The following CPNE6 variants were observed in gnomAD, a reference collection of about 807,000 sequenced individuals.
The protein encoded by CPNE6 is copine-6.
Under a neutral mutation model 71.5 loss-of-function variants are expected in CPNE6, and 33 were observed. The observed-to-expected ratio is 0.46, with a 90% CI of 0.35 to 0.62. The LOEUF (loss-of-function observed/expected upper bound fraction) is 0.62, where lower values mean the gene tolerates loss of function less well. CPNE6 is among the 20% of genes least tolerant of loss of function. The pLI is 0.00. For missense variants in CPNE6, 576 were observed against 747.3 expected, an observed-to-expected ratio of 0.77 and a Z score of 2.67; for synonymous variants, 296 against 293.0, an observed-to-expected ratio of 1.01 and a Z score of -0.10.
Position 24,077,958 on chromosome 14 carries a change from T to C in CPNE6, c.*108T>C, listed in dbSNP as rs1481936913. 2.2e-6 allele frequency: 1 copy of C among 456,452 alleles called. No individual in the cohort carries two copies. Among genetic ancestry groups the C allele is most frequent in the Non-Finnish European group, 3.8e-6 (1 of 262,822 alleles). 28.3% of individuals were successfully genotyped at this position (456,452 alleles called of 1,614,324 possible). On this transcript the variant is annotated 3_prime_UTR_variant, in exon 18 of 18. Coordinates refer to ENST00000397016, the Ensembl canonical transcript of CPNE6. This position sits in a 1 kb window ranked among gnomAD's most constrained non-coding sequence, Gnocchi z 6.1. ...TCTTGGACCAGGTGTGCCCCCTGGGTTCTGGACGTGAGTGGTGGGTCCTGC... is the reference window on the plus strand; with the variant it reads ...TCTTGGACCAGGTGTGCCCCCTGGGCTCTGGACGTGAGTGGTGGGTCCTGC...
intron 1 of CPNE6, chr14:24,071,191 G>A (rs556749717): frequency 1.0e-6 from 1 of 1,003,374 alleles, no homozygotes; most frequent in Non-Finnish European, 1.5e-6. Flanking sequence ...GTGTCACAGT[G>A]AGTTTATGTA....
rs916154034 is a variant in CPNE6 at position 24,073,162 on chromosome 14, G to C, written c.168+58G>C. 11 of 1,400,404 alleles carry C rather than the reference G, an allele frequency of 7.9e-6. No individual in the cohort carries two copies. Among genetic ancestry groups the C allele is most frequent in the Non-Finnish European group, 1.0e-5 (11 of 1,076,014 alleles). 86.7% of individuals were successfully genotyped at this position (1,400,404 alleles called of 1,614,324 possible). A position where few individuals can be genotyped will look rare whatever the true frequency, so the allele number is the denominator to read the frequency against. The stretch of plus-strand genomic sequence containing the variant: ...CTGGGTTAAGCTTGGGAAAGAGGGA[G>C]GCTGGGTGGGAGCAGTGAAAGCCTT... On this transcript the variant is annotated intron_variant, in intron 3 of 17. Transcript: ENST00000397016. This position sits in a 1 kb window ranked among gnomAD's most constrained non-coding sequence, Gnocchi z 5.5.
In CPNE6 at chr14:24,077,452, AC is replaced by A. The variant is rs544867854; in HGVS notation, c.1536+64del. ...TCAGCTTCTCATCCCCCCAAATCTGACCTTCGTCTTCCACCATTTGATGTCC... is the reference window on the plus strand; with the variant it reads ...TCAGCTTCTCATCCCCCCAAATCTGACTTCGTCTTCCACCATTTGATGTCC... On this transcript the variant is annotated intron_variant, in intron 16 of 17. Transcript: ENST00000397016. The surrounding 1 kb of genome is among the most constrained non-coding windows in gnomAD (Gnocchi z 6.1). 1.6e-4 allele frequency: 247 copies of A among 1,579,204 alleles called. No individual in the cohort carries two copies. In the African/African-American group the frequency reaches 3.0e-3, roughly 19 times the overall value.
Position 24,073,235 on chromosome 14 carries a change from T to A in CPNE6, c.168+131T>A. 1 of 1,078,844 alleles carries A rather than the reference T, an allele frequency of 9.3e-7. No homozygotes were observed. Among genetic ancestry groups the A allele is most frequent in the Non-Finnish European group, 1.2e-6 (1 of 800,524 alleles). 66.8% of individuals were successfully genotyped at this position (1,078,844 alleles called of 1,614,324 possible). On this transcript the variant is annotated intron_variant, in intron 3 of 17. Transcript: ENST00000397016. This position sits in a 1 kb window ranked among gnomAD's most constrained non-coding sequence, Gnocchi z 5.5. The stretch of plus-strand genomic sequence containing the variant: ...CGGCGCCTTCTCGAGGCCGCTTGGG[T>A]ACCCTGGAGATGGTGTCCCAGAGGG...
rs779809726 is a variant in CPNE6, at chr14:24,077,719, C to T, written c.1663C>T (p.Pro555Ser). The stretch of plus-strand genomic sequence containing the variant: ...CTGCACACTGGCTACGACTCCCAGC[C>T]CTAGCCCGTGACTGCCTCCCTCCGG... The change falls in exon 17 of 18, where the codon CCT (proline) becomes TCT (serine). Residue 555 changes from proline (P) to serine (S), a missense_variant. Pro to Ser is a moderately conservative substitution (Grantham distance 74). Coordinates refer to ENST00000397016, the Ensembl canonical transcript of CPNE6. The surrounding 1 kb of genome is among the most constrained non-coding windows in gnomAD (Gnocchi z 6.1). 3.9e-6 allele frequency: 6 copies of T among 1,526,812 alleles called. No individual in the cohort carries two copies. The highest frequency in any genetic ancestry group is 3.5e-6 in the Non-Finnish European group (4 of 1,138,524). The allele number at this position is 1,526,812 out of a possible 1,614,324, so 94.6% of individuals were successfully genotyped here.
chr14:24,073,054 C>T lies in CPNE6; in HGVS notation c.118C>T (p.Pro40Ser), dbSNP rs1446451422. The T allele has an allele frequency of 3.2e-6, 5 of 1,551,860 alleles. No homozygotes were observed. The highest frequency in any genetic ancestry group is 4.3e-6 in the Non-Finnish European group (5 of 1,151,020). The change falls in exon 3 of 18, where the codon CCC becomes TCC. Residue 40 changes from proline to serine, a missense_variant. Transcript: ENST00000397016. The surrounding 1 kb of genome is among the most constrained non-coding windows in gnomAD (Gnocchi z 5.5). ...CCTGGACCGGGACACACTCACCAAA[C>T]CCCACCCCTGCGTGCTGCTCAAGCT... is the stretch of plus-strand genomic sequence containing the variant.
chr14:24,076,519 T>C, exon 14 of CPNE6: 3 of 1,614,034 alleles, frequency 1.9e-6, no homozygotes, highest in Non-Finnish European at 2.5e-6. Context: ...TCCCATGACT[T>C]TGCTATCAAC....
Position 24,073,448 on chromosome 14 carries a change from A to C in CPNE6, c.169-51A>C. ...ACTAGGGCAGTCCAGGACAGGGAAA[A>C]GTATCCTCGGTTCCCAGACAGCCCT... On this transcript the variant is annotated intron_variant, in intron 3 of 17. Coordinates refer to ENST00000397016, the Ensembl canonical transcript of CPNE6. This position sits in a 1 kb window ranked among gnomAD's most constrained non-coding sequence, Gnocchi z 5.5. The C allele has an allele frequency of 6.3e-7, 1 of 1,579,866 alleles. No individual in the cohort carries two copies. Among genetic ancestry groups the C allele is most frequent in the Non-Finnish European group, 8.6e-7 (1 of 1,161,144 alleles).
chr14:24,075,195 C>T lies in CPNE6; in HGVS notation c.696C>T (p.Ser232=). 1 of 1,614,050 alleles carries T rather than the reference C, an allele frequency of 6.2e-7. No homozygotes were observed. The change falls in exon 9 of 18, where the codon TCC becomes TCT. Residue 232 remains serine (S), a synonymous_variant. Coordinates refer to ENST00000397016, the Ensembl canonical transcript of CPNE6. The surrounding 1 kb of genome is among the most constrained non-coding windows in gnomAD (Gnocchi z 4.3). The stretch of plus-strand genomic sequence containing the variant: ...AGTTCCTGGTGTATGACTATGACTC[C>T]AGTGGGAAGCATGACTTCATCGGCG...
In CPNE6 at chr14:24,072,930, C is replaced by A. The variant is rs2035945242; in HGVS notation, c.-4-3C>A. Reference sequence around the variant, plus strand: ...GTCCAGGCCACCTGCTCTGTCCCCACAGTGACATGTCGGACCCTGAGATGG... The same window carrying A: ...GTCCAGGCCACCTGCTCTGTCCCCAAAGTGACATGTCGGACCCTGAGATGG... On this transcript the variant is annotated splice_region_variant and splice_polypyrimidine_tract_variant and intron_variant, in intron 2 of 17. Transcript: ENST00000397016. 2.6e-6 allele frequency: 4 copies of A among 1,567,174 alleles called. No individual in the cohort carries two copies. The highest frequency in any genetic ancestry group is 3.5e-6 in the Non-Finnish European group (4 of 1,158,690).
At position 24,074,503 on chromosome 14, in the gene CPNE6, T is replaced by G; in HGVS notation, c.499-28T>G. 6.2e-7 allele frequency: 1 copy of G among 1,609,516 alleles called. No homozygotes were observed. The highest frequency in any genetic ancestry group is 8.5e-7 in the Non-Finnish European group (1 of 1,175,906). On this transcript the variant is annotated intron_variant, in intron 6 of 17. Coordinates refer to ENST00000397016, the Ensembl canonical transcript of CPNE6. This position sits in a 1 kb window ranked among gnomAD's most constrained non-coding sequence, Gnocchi z 4.5. ...ACCCTCCTTGCAGCTCTCACCAACC[T>G]CAAGGGCCCTTTCTCCTGTATCTTC...
rs1427199042 is a variant in CPNE6 at position 24,076,054 on chromosome 14, A to G, written c.925-95A>G. 6.5e-6 allele frequency: 10 copies of G among 1,549,842 alleles called. No individual in the cohort carries two copies. In the East Asian group the frequency reaches 2.3e-4, roughly 35 times the overall value. On this transcript the variant is annotated intron_variant, in intron 11 of 17. Coordinates refer to ENST00000397016, the Ensembl canonical transcript of CPNE6. ...TGTGGCTACCTGTAGCCTCCCCACC[A>G]CTCATCTTAGTCCTCCCTACAGATC...
At chr14:24,076,020 A>G in intron 11 of CPNE6, 129 bp from the exon 11 acceptor site, 1 of 1,495,400 alleles carries the variant, frequency 6.7e-7, no homozygotes, top group East Asian at 2.3e-5. Flanking sequence ...ATGCACCCCC[A>G]CATCATTATG....
chr14:24,071,074 CTG>C (rs1419012708), intron 1 of CPNE6: 1 of 1,508,018 alleles, frequency 6.6e-7, no homozygotes, highest in African/African-American at 1.4e-5. Flanking sequence ...CCCAGTGTTC[CTG>C]TATATGTGAC....
In CPNE6 at chr14:24,073,601, G is replaced by A. The variant is rs1040866373; in HGVS notation, c.271G>A (p.Val91Met). Residue 91 changes from valine (V) to methionine (M), a missense_variant, in exon 4 of 18, where the codon GTG (valine) becomes ATG (methionine). Val to Met is a conservative substitution (Grantham distance 21). Transcript: ENST00000397016. The surrounding 1 kb of genome is among the most constrained non-coding windows in gnomAD (Gnocchi z 5.5). ...GGAGAAGCAGCCCCTGCAGTTCCAC[G>A]TGTTCGATGCCGAGGACGGAGCCAC... The A allele has an allele frequency of 1.9e-6, 3 of 1,614,006 alleles. No individual in the cohort carries two copies. The highest frequency in any genetic ancestry group is 2.5e-6 in the Non-Finnish European group (3 of 1,180,030).
rs781341280 is a variant in CPNE6, at chr14:24,073,630, C to A, written c.300C>A (p.Ser100Arg). The change falls in exon 4 of 18, where the codon AGC (serine) becomes AGA (arginine). Residue 100 changes from serine (S) to arginine (R), a missense_variant. This residue lies in a region of CPNE6 where 214 missense variants were observed against 291.2 expected (regional missense o/e 0.73). Transcript: ENST00000397016. This position sits in a 1 kb window ranked among gnomAD's most constrained non-coding sequence, Gnocchi z 5.5. ...TCGATGCCGAGGACGGAGCCACCAG[C>A]CCCCGAAATGATACCTTCCTCGGCT... is the stretch of plus-strand genomic sequence containing the variant. 3 of 1,613,968 alleles carry A rather than the reference C, an allele frequency of 1.9e-6. No individual in the cohort carries two copies. Among genetic ancestry groups the A allele is most frequent in the South Asian group, 2.2e-5 (2 of 91,070 alleles).
intron 1 of CPNE6, chr14:24,071,208 C>T (rs2035885127): frequency 4.0e-6 from 4 of 988,320 alleles, no homozygotes; most frequent in Non-Finnish European, 5.8e-6. Flanking sequence ...TGTACTGGCG[C>T]CTGTGTGTGT....
At position 24,074,235 on chromosome 14, in the gene CPNE6, G is replaced by A; in HGVS notation, c.424-56G>A. 1 of 1,600,038 alleles carries A rather than the reference G, an allele frequency of 6.2e-7. No individual in the cohort carries two copies. Among genetic ancestry groups the A allele is most frequent in the African/African-American group, 1.3e-5 (1 of 74,718 alleles). ...CACCCCCACCTAAGGGAAAGGGGAT[G>A]GGGTGGCCCTTGTGGTAAGGTTAGG... On this transcript the variant is annotated intron_variant, in intron 5 of 17. Coordinates refer to ENST00000397016, the Ensembl canonical transcript of CPNE6. The surrounding 1 kb of genome is among the most constrained non-coding windows in gnomAD (Gnocchi z 4.5).
At chr14:24,076,674 T>C (rs140223752) in intron 14 of CPNE6, 117 bp downstream of exon 13, 16 of 1,497,162 alleles carry the variant, frequency 1.1e-5, no homozygotes, top group Admixed American at 1.8e-5. Flanking sequence ...CAGGCCTGTC[T>C]TTATCAGGTG....
Sources: allele counts gnomAD v4.1 joint callset, GRCh38; gene constraint gnomAD v4.1.1; regional missense constraint gnomAD v4.1.1; non-coding constraint Gnocchi (gnomAD v3.1); transcripts MANE v1.5; gene names NCBI Gene and HGNC (gene_info 2026-07-23, HGNC 2026-07-21).